Variants in DRC1 observed in about 807,000 individuals in gnomAD.
DRC1 encodes the protein dynein regulatory complex protein 1.
DRC1 carries 74 observed loss-of-function variants against 98.7 expected under a neutral mutation model. That is an observed-to-expected ratio of 0.75 (90% confidence interval 0.62 to 0.91). DRC1 has a LOEUF of 0.91. Among genes scored for constraint, DRC1 ranks in the 40% least tolerant of loss-of-function variants. The pLI, the probability that DRC1 is intolerant of heterozygous loss-of-function variation, is 0.00. For missense variants in DRC1, 875 were observed against 886.0 expected (o/e 0.99, Z 0.16); for synonymous variants, 336 against 334.1 (o/e 1.01, Z -0.06).
chr2:26,440,313 G>C, intron 7 of DRC1, 65 bp from the exon 8 acceptor site: 2 of 1,344,754 alleles, frequency 1.5e-6, no homozygotes, highest in African/African-American at 1.7e-5. Context: ...TGTAGAGTTA[G>C]TGTGTTTGTG....
At chr2:26,418,852 A>T in intron 2 of DRC1, among the ~76,000 whole-genome samples, 1 of 139,166 alleles carries the variant, frequency 7.2e-6, no homozygotes, top group Admixed American at 8.0e-5. Context: ...AAAGCATATT[A>T]TATATTATAT....
intron 16 of DRC1, among the ~76,000 whole-genome samples, chr2:26,455,676 G>T (rs758391415): frequency 1.1e-4 from 16 of 152,226 alleles, no homozygotes; most frequent in Non-Finnish European, 1.6e-4. Flanking sequence ...CAGAGCCTGG[G>T]CTCTTTCCAC....
At chr2:26,408,411 A>C (rs951563786) in intron 1 of DRC1, among the ~76,000 whole-genome samples, 2 of 152,132 alleles carry the variant, frequency 1.3e-5, no homozygotes, top group African/African-American at 4.8e-5. Context: ...TTCAGCCTTC[A>C]TATTCCAGGC....
intron 8 of DRC1, among the ~76,000 whole-genome samples, chr2:26,443,622 T>C (rs1663775305): frequency 6.6e-6 from 1 of 152,250 alleles, no homozygotes; most frequent in Non-Finnish European, 1.5e-5. Context: ...TTGAAACGTA[T>C]CTTTGTATTC....
chr2:26,448,859 G>A, intron 11 of DRC1, 56 bp downstream of exon 11: 3 of 1,560,948 alleles, frequency 1.9e-6, no homozygotes, highest in South Asian at 1.1e-5. Context: ...CAGGTTCTGA[G>A]GCCTCTGCTG....
intron 1 of DRC1, among the ~76,000 whole-genome samples, chr2:26,414,051 C>T (rs2147979795): frequency 6.6e-6 from 1 of 151,252 alleles, no homozygotes; most frequent in South Asian, 2.1e-4. Flanking sequence ...AGCCACTGCA[C>T]CTGGCCAATA....
chr2:26,430,476 T>C (rs1444419757), intron 5 of DRC1: 1 of 506,752 alleles, frequency 2.0e-6, no homozygotes, highest in African/African-American at 1.9e-5. Flanking sequence ...TTACACACCA[T>C]GGCCTGCCGT....
chr2:26,454,737 T>C lies in DRC1; in HGVS notation c.2010T>C (p.Pro670=). ...EYWQALTTVI[P]SSKQNLWDAL... ...GGCAGGCCCTGACCACAGTGATCCC[T>C]TCCTCCAAGCAGAACCTCTGGGATG... Residue 670 remains proline (P), a synonymous_variant, in exon 15 of 17, where the codon CCT becomes CCC. Coordinates refer to ENST00000288710, the MANE Select transcript of DRC1 (RefSeq NM_145038.5). The surrounding 1 kb of genome is among the most constrained non-coding windows in gnomAD (Gnocchi z 5.2). 1 of 1,614,092 alleles carries C rather than the reference T, an allele frequency of 6.2e-7. No individual in the cohort carries two copies. The highest frequency in any genetic ancestry group is 1.1e-5 in the South Asian group (1 of 91,070).
chr2:26,438,672 G>A lies in DRC1; in HGVS notation c.889-1706G>A, dbSNP rs796975087. Among the ~76,000 whole-genome samples, 4 of 152,284 alleles carry A rather than the reference G, an allele frequency of 2.6e-5. No homozygotes were observed. The East Asian group carries it at 5.8e-4, about 22-fold the overall frequency. ...CGGATTCCACAGCAAACATGGAAAAGATGTGCTTCCTGACCCAGTGAAGCG... is the reference window on the plus strand; with the variant it reads ...CGGATTCCACAGCAAACATGGAAAAAATGTGCTTCCTGACCCAGTGAAGCG... On this transcript the variant is annotated intron_variant, in intron 7 of 16. Coordinates refer to ENST00000288710, the MANE Select transcript of DRC1 (RefSeq NM_145038.5).
intron 1 of DRC1, among the ~76,000 whole-genome samples, chr2:26,403,515 TA>T (rs1226697515): frequency 2.0e-5 from 3 of 152,238 alleles, no homozygotes; most frequent in Admixed American, 6.5e-5. Flanking sequence ...TTTAAAATTG[TA>T]AAAAATCGTA....
chr2:26,432,580 G>T (rs1383246002), intron 7 of DRC1, among the ~76,000 whole-genome samples: 1 of 125,914 alleles, frequency 7.9e-6, no homozygotes, highest in Non-Finnish European at 1.7e-5. Flanking sequence ...GAAGGAAAAA[G>T]AAAAGAAAAG....
chr2:26,442,292 C>T (rs182728578), intron 8 of DRC1, among the ~76,000 whole-genome samples: 40 of 152,252 alleles, frequency 2.6e-4, no homozygotes, highest in Admixed American at 1.9e-3. Flanking sequence ...ACATTCAAGC[C>T]GTAGCAACCT....
chr2:26,432,500 AAGAG>A (rs1253820730), intron 7 of DRC1, among the ~76,000 whole-genome samples: 1 of 144,480 alleles, frequency 6.9e-6, no homozygotes, highest in Non-Finnish European at 1.5e-5. Context: ...CTTTGTGAGA[AAGAG>A]AGAAAGGGAG....
rs1311015017 is a variant in DRC1, at chr2:26,432,009, G to A, written c.888+3G>A. 1.2e-6 allele frequency: 2 copies of A among 1,613,326 alleles called. No individual in the cohort carries two copies. The highest frequency in any genetic ancestry group is 1.7e-6 in the Non-Finnish European group (2 of 1,179,604). ...TCAAGCTGGAGCAGGATGTGCAGGT[G>A]CAACAGCTGGTCCTCACTAGGGTGC... On this transcript the variant is annotated splice_donor_region_variant and intron_variant, in intron 7 of 16. Coordinates refer to ENST00000288710, the MANE Select transcript of DRC1 (RefSeq NM_145038.5).
intron 11 of DRC1, 91 bp downstream of exon 11, chr2:26,448,894 A>G: frequency 7.5e-7 from 1 of 1,330,820 alleles, no homozygotes; most frequent in East Asian, 2.3e-5. Flanking sequence ...TGGAGTCAGG[A>G]GTGGGCCAGT....
At chr2:26,455,761 C>T (rs1430973879) in intron 16 of DRC1, among the ~76,000 whole-genome samples, 1 of 152,266 alleles carries the variant, frequency 6.6e-6, no homozygotes, top group African/African-American at 2.4e-5. Context: ...TCTGCTGGGG[C>T]AGATATTCCC....
chr2:26,409,957 AAAC>A (rs1346925747), intron 1 of DRC1, among the ~76,000 whole-genome samples: 2 of 152,080 alleles, frequency 1.3e-5, no homozygotes, highest in Admixed American at 6.6e-5. Context: ...GGGGAGAAAA[AAAC>A]AAGAATACCA....
rs76334841 is a variant in DRC1 at position 26,436,729 on chromosome 2, A to G, written c.889-3649A>G. On this transcript the variant is annotated intron_variant, in intron 7 of 16. Coordinates refer to ENST00000288710, the MANE Select transcript of DRC1 (RefSeq NM_145038.5). Reference sequence around the variant, plus strand: ...TGCTCTTGTTGTATTGTAAATATAAAAACAATCCTATGGCCAAATAAGTCT... The same window carrying G: ...TGCTCTTGTTGTATTGTAAATATAAGAACAATCCTATGGCCAAATAAGTCT... Among the ~76,000 whole-genome samples, 272 of 152,342 alleles carry G rather than the reference A, an allele frequency of 1.8e-3. 6 individuals are homozygous for G. In the East Asian group the frequency reaches 0.046, roughly 26 times the overall value.
intron 1 of DRC1, among the ~76,000 whole-genome samples, chr2:26,405,655 T>A (rs1233094386): frequency 3.3e-3 from 41 of 12,328 alleles, no homozygotes; most frequent in Admixed American, 5.0e-3. Flanking sequence ...GGCTATATCT[T>A]TTTTTTTTTT....
Sources: allele counts gnomAD v4.1 joint callset (sites outside exome capture counted in the v4.1 genomes callset), GRCh38; gene constraint gnomAD v4.1.1; non-coding constraint Gnocchi (gnomAD v3.1); transcripts MANE v1.5; gene names NCBI Gene and HGNC (gene_info 2026-07-23, HGNC 2026-07-21).